RBM46: variants seen among roughly 807,000 people sequenced by gnomAD.
RBM46 encodes the protein RNA binding motif protein 46, also known as probable RNA-binding protein 46.
Under a neutral mutation model 43.3 loss-of-function variants are expected in RBM46, and 12 were observed. The ratio of observed to expected loss-of-function variants is 0.28; its 90% CI spans 0.18 to 0.45. RBM46 has a LOEUF of 0.45. Among genes scored for constraint, RBM46 ranks in the 20% least tolerant of loss-of-function variants. The pLI, the probability that RBM46 is intolerant of heterozygous loss-of-function variation, is 1.00. For missense variants in RBM46, 412 were observed against 639.1 expected (o/e 0.64, Z 3.83); for synonymous variants, 205 against 207.6 (o/e 0.99, Z 0.11).
chr4:154,782,175 C>T (rs1319993521), intron 1 of RBM46, among the ~76,000 whole-genome samples: 3 of 152,194 alleles, frequency 2.0e-5, no homozygotes, highest in Non-Finnish European at 2.9e-5. Flanking sequence ...GTCGTGGCAC[C>T]GCCTTTGTTT....
intron 4 of RBM46, among the ~76,000 whole-genome samples, chr4:154,817,394 G>A (rs995434831): frequency 6.7e-5 from 10 of 148,948 alleles, no homozygotes; most frequent in South Asian, 2.1e-4. Flanking sequence ...GTGCAGTGGC[G>A]TGATCTCGGC....
chr4:154,827,837 A>G, intron 4 of RBM46, 31 bp from the exon 5 acceptor site: 1 of 1,610,626 alleles, frequency 6.2e-7, no homozygotes, highest in Non-Finnish European at 8.5e-7. Flanking sequence ...ATAAAGATGT[A>G]CAGCATAATT....
At chr4:154,795,060 C>G (rs169322) in intron 1 of RBM46, among the ~76,000 whole-genome samples, 4,917 of 152,158 alleles carry the variant, frequency 0.032, 281 homozygotes, top group African/African-American at 0.11. Flanking sequence ...TTTGAATTTG[C>G]AGGCTCTGCT....
intron 4 of RBM46, among the ~76,000 whole-genome samples, chr4:154,804,516 C>G (rs1402594953): frequency 2.0e-5 from 3 of 152,138 alleles, no homozygotes; most frequent in Non-Finnish European, 4.4e-5. Flanking sequence ...GATCAAGGAA[C>G]GTCCTGGAGA....
At chr4:154,783,982 A>G (rs1733633448) in intron 1 of RBM46, among the ~76,000 whole-genome samples, 1 of 152,198 alleles carries the variant, frequency 6.6e-6, no homozygotes, top group South Asian at 2.1e-4. Context: ...ATTGCTGCTT[A>G]AAAACAAACA....
intron 4 of RBM46, among the ~76,000 whole-genome samples, chr4:154,816,819 G>A (rs1443233648): frequency 6.6e-6 from 1 of 151,958 alleles, no homozygotes; most frequent in Non-Finnish European, 1.5e-5. Context: ...TTTTATTATA[G>A]AAGTCGTTTA....
chr4:154,826,670 T>C (rs1197638784), intron 4 of RBM46: 1 of 727,784 alleles, frequency 1.4e-6, no homozygotes, highest in Non-Finnish European at 2.3e-6. Flanking sequence ...AAAAAGGTTA[T>C]AAAATTAGTT....
intron 1 of RBM46, among the ~76,000 whole-genome samples, chr4:154,792,103 A>G (rs1440824647): frequency 6.6e-6 from 1 of 152,208 alleles, no homozygotes; most frequent in African/African-American, 2.4e-5. Context: ...TAGTACAAGT[A>G]GGGGTTAGTA....
At chr4:154,811,241 C>T (rs1004177324) in intron 4 of RBM46, among the ~76,000 whole-genome samples, 14 of 152,142 alleles carry the variant, frequency 9.2e-5, no homozygotes, top group African/African-American at 3.4e-4. Context: ...AAATTAAGTA[C>T]TATGGCATAG....
At chr4:154,821,571 G>C (rs1207429540) in intron 4 of RBM46, among the ~76,000 whole-genome samples, 1 of 151,680 alleles carries the variant, frequency 6.6e-6, no homozygotes, top group Non-Finnish European at 1.5e-5. Context: ...AGATCTAGAT[G>C]TATTTCTTTT....
intron 1 of RBM46, among the ~76,000 whole-genome samples, chr4:154,788,148 C>G (rs2111094303): frequency 6.6e-6 from 1 of 152,238 alleles, no homozygotes; most frequent in East Asian, 1.9e-4. Flanking sequence ...CCTGTTCACT[C>G]TGATGGTAGT....
At position 154,799,404 on chromosome 4, in the gene RBM46, A is replaced by G; in HGVS notation, c.1242A>G (p.Leu414=). ...ACTGGGCACCACCAGAATATTATTT[A>G]TATTCAACAACAAGTCAAGATGGGA... The part of the protein sequence containing the change: ...KNNWAPPEYY[L]YSTTSQDGKV... The change falls in exon 4 of 5, where the codon TTA becomes TTG. Residue 414 remains leucine, a synonymous_variant. Transcript: ENST00000281722. 1 of 1,614,162 alleles carries G rather than the reference A, an allele frequency of 6.2e-7. No individual in the cohort carries two copies. Among genetic ancestry groups the G allele is most frequent in the Non-Finnish European group, 8.5e-7 (1 of 1,180,020 alleles).
chr4:154,782,336 A>G (rs546302383), intron 1 of RBM46, among the ~76,000 whole-genome samples: 4 of 152,324 alleles, frequency 2.6e-5, no homozygotes, highest in African/African-American at 7.2e-5. Flanking sequence ...GTTTTCTCCT[A>G]TGTAAATTTA....
intron 4 of RBM46, chr4:154,826,840 A>G (rs1735988888): frequency 2.4e-5 from 37 of 1,515,356 alleles, no homozygotes; most frequent in Middle Eastern, 1.7e-4. Context: ...ATTAAGTCCC[A>G]TGACAACATT....
chr4:154,795,349 C>T (rs948631477), intron 1 of RBM46, among the ~76,000 whole-genome samples: 1 of 152,122 alleles, frequency 6.6e-6, no homozygotes, highest in Non-Finnish European at 1.5e-5. Context: ...TAACACCATG[C>T]TGTCCTTTTT....
intron 1 of RBM46, among the ~76,000 whole-genome samples, chr4:154,787,715 G>T (rs1733852326): frequency 6.6e-6 from 1 of 152,050 alleles, no homozygotes; most frequent in Admixed American, 6.6e-5. Context: ...GGGATGGCTG[G>T]GTCAAATGGT....
rs758628394 is a variant in RBM46 at position 154,797,802 on chromosome 4, G to T, written c.152-9G>T. 2 of 1,482,640 alleles carry T rather than the reference G, an allele frequency of 1.3e-6. No homozygotes were observed. Among genetic ancestry groups the T allele is most frequent in the Admixed American group, 2.3e-5 (1 of 43,228 alleles). The allele number at this position is 1,482,640 out of a possible 1,614,324, so 91.8% of individuals were successfully genotyped here. ...AGAATTTATGTGTCTTTTCATTTTT[G>T]TCGTTCAGGTTGGGAAGGTCCACCT... On this transcript the variant is annotated splice_polypyrimidine_tract_variant and intron_variant, in intron 2 of 4. Transcript: ENST00000281722.
chr4:154,797,932 A>G lies in RBM46; in HGVS notation c.273A>G (p.Arg91=), dbSNP rs1368364540. Reference sequence around the variant, plus strand: ...GAGCTGGGAAGATATATGAATTTCGACTTATGATGGAATTTAGTGGTGAAA... The same window carrying G: ...GAGCTGGGAAGATATATGAATTTCGGCTTATGATGGAATTTAGTGGTGAAA... ...FERAGKIYEF[R]LMMEFSGENR... is the part of the protein sequence containing the mutation. The change falls in exon 3 of 5, where the codon CGA becomes CGG. Residue 91 remains arginine (R), a synonymous_variant. Transcript: ENST00000281722. The G allele has an allele frequency of 1.2e-6, 2 of 1,613,330 alleles. No homozygotes were observed.
chr4:154,792,492 G>C (rs1208027761), intron 1 of RBM46, among the ~76,000 whole-genome samples: 10 of 152,182 alleles, frequency 6.6e-5, no homozygotes, highest in African/African-American at 1.7e-4. Context: ...TGAATGAATA[G>C]TTATCATATG....
Sources: allele counts gnomAD v4.1 joint callset (sites outside exome capture counted in the v4.1 genomes callset), GRCh38; gene constraint gnomAD v4.1.1; transcripts MANE v1.5; gene names NCBI Gene and HGNC (gene_info 2026-07-23, HGNC 2026-07-21).